Variants in SGCD observed in about 807,000 individuals in gnomAD.
SGCD encodes sarcoglycan delta.
Under a neutral mutation model 36.6 loss-of-function variants are expected in SGCD, and 18 were observed. The ratio of observed to expected loss-of-function variants is 0.49; its 90% CI spans 0.34 to 0.73. The LOEUF is 0.73. Among genes scored for constraint, SGCD ranks in the 30% least tolerant of loss-of-function variants. The pLI is 0.01. For missense variants in SGCD, 387 were observed against 346.7 expected (o/e 1.12, Z -0.92); for synonymous variants, 133 against 130.6 (o/e 1.02, Z -0.12).
At chr5:156,244,677 G>C (rs183192251) in intron 3 of SGCD, among the ~76,000 whole-genome samples, 102 of 152,290 alleles carry the variant, frequency 6.7e-4, no homozygotes, top group African/African-American at 2.2e-3. Context: ...AAGTTTAAAA[G>C]CCAGAATCAC....
intron 3 of SGCD, among the ~76,000 whole-genome samples, chr5:156,255,768 G>A (rs193166904): frequency 2.6e-5 from 4 of 152,122 alleles, no homozygotes; most frequent in East Asian, 3.9e-4. Flanking sequence ...CTCACCAGAG[G>A]TGTGTTTATT....
At chr5:155,757,452 G>A in the SGCD span, among the ~76,000 whole-genome samples, 7 of 152,090 alleles carry the variant, frequency 4.6e-5, no homozygotes, top group East Asian at 1.9e-4. Flanking sequence ...TCAGTAGGGC[G>A]GGTAATATTT....
chr5:156,338,336 C>A (rs1341003050), intron 2 of SGCD, among the ~76,000 whole-genome samples: 7 of 152,206 alleles, frequency 4.6e-5, no homozygotes, highest in African/African-American at 1.2e-4. Context: ...GTGACCACTT[C>A]AACGGTATTA....
intron 4 of SGCD, among the ~76,000 whole-genome samples, chr5:156,558,088 A>AATATATATATATATATATATCTATATAT (rs1759107608): frequency 1.0e-5 from 1 of 95,592 alleles, no homozygotes; most frequent in Non-Finnish European, 2.2e-5. Flanking sequence ...AGTAAATACA[A>AATATATATATATATATATATCTATATAT]ATATATATAT....
At chr5:155,946,264 T>C (rs1375606341) in intron 1 of SGCD, among the ~76,000 whole-genome samples, 5 of 152,168 alleles carry the variant, frequency 3.3e-5, no homozygotes, top group Non-Finnish European at 5.9e-5. Context: ...TTAATTATCA[T>C]AACCACCTTG....
intron 1 of SGCD, among the ~76,000 whole-genome samples, chr5:156,031,801 C>T (rs1221092824): frequency 2.0e-5 from 3 of 152,156 alleles, no homozygotes; most frequent in Admixed American, 2.0e-4. Flanking sequence ...CCAGGCCACA[C>T]AGTAACCAAG....
At chr5:156,246,511 A>G (rs1765443835) in intron 3 of SGCD, among the ~76,000 whole-genome samples, 1 of 152,102 alleles carries the variant, frequency 6.6e-6, no homozygotes, top group Non-Finnish European at 1.5e-5. Flanking sequence ...TCGATTTTTA[A>G]TGGAGTTGTT....
At chr5:156,095,219 C>G (rs1280442236) in intron 1 of SGCD, among the ~76,000 whole-genome samples, 1 of 152,134 alleles carries the variant, frequency 6.6e-6, no homozygotes, top group Non-Finnish European at 1.5e-5. Flanking sequence ...AGAGGTATGC[C>G]TACGCAAATC....
chr5:156,715,522 C>T (rs1418319370), intron 7 of SGCD, among the ~76,000 whole-genome samples: 1 of 152,190 alleles, frequency 6.6e-6, no homozygotes, highest in Non-Finnish European at 1.5e-5. Context: ...TCATCATCAT[C>T]AATCTTTCCT....
At chr5:156,624,330 C>T (rs1469498034) in intron 6 of SGCD, among the ~76,000 whole-genome samples, 2 of 152,140 alleles carry the variant, frequency 1.3e-5, no homozygotes, top group African/African-American at 4.8e-5. Flanking sequence ...GCCTGTAATC[C>T]CAGGACTTTG....
At chr5:156,287,457 A>G (rs1766637969) in intron 3 of SGCD, among the ~76,000 whole-genome samples, 1 of 152,098 alleles carries the variant, frequency 6.6e-6, no homozygotes, top group Non-Finnish European at 1.5e-5. Flanking sequence ...AAAAATGAGG[A>G]CTAAAATCCC....
chr5:156,310,203 C>G (rs1210261546), intron 3 of SGCD, among the ~76,000 whole-genome samples: 1 of 152,132 alleles, frequency 6.6e-6, no homozygotes, highest in Non-Finnish European at 1.5e-5. Flanking sequence ...GTCTTTAATG[C>G]TTGACTCCCA....
At chr5:156,124,391 G>A (rs1249342274) in intron 3 of SGCD, among the ~76,000 whole-genome samples, 1 of 152,132 alleles carries the variant, frequency 6.6e-6, no homozygotes, top group African/African-American at 2.4e-5. Context: ...GTGGTGCTGT[G>A]TAATACACTG....
chr5:155,747,647 TC>T, the SGCD span, among the ~76,000 whole-genome samples: 4 of 152,198 alleles, frequency 2.6e-5, no homozygotes, highest in Non-Finnish European at 5.9e-5. Flanking sequence ...AAATCCTGGC[TC>T]CACAGTCTTC....
At chr5:155,999,125 C>T (rs1265581875) in intron 1 of SGCD, among the ~76,000 whole-genome samples, 2 of 152,170 alleles carry the variant, frequency 1.3e-5, no homozygotes, top group African/African-American at 4.8e-5. Flanking sequence ...GAAGCTTAGG[C>T]TCTTTAGGAC....
intron 3 of SGCD, among the ~76,000 whole-genome samples, chr5:156,187,931 C>T (rs181394264): frequency 6.6e-6 from 1 of 152,198 alleles, no homozygotes; most frequent in Admixed American, 6.5e-5. Context: ...CCAGGAGGTA[C>T]AAGGTATGGT....
At chr5:156,711,137 C>A (rs1754972444) in intron 7 of SGCD, among the ~76,000 whole-genome samples, 1 of 152,074 alleles carries the variant, frequency 6.6e-6, no homozygotes, top group African/African-American at 2.4e-5. Flanking sequence ...AAGTTTGATG[C>A]CCCCTTCCCA....
At chr5:156,224,682 G>C (rs1413668043) in intron 3 of SGCD, among the ~76,000 whole-genome samples, 1 of 152,106 alleles carries the variant, frequency 6.6e-6, no homozygotes, top group African/African-American at 2.4e-5. Flanking sequence ...TCAGCTCTTT[G>C]TATGCTTTAT....
intron 2 of SGCD, among the ~76,000 whole-genome samples, chr5:156,122,718 C>T (rs1376953835): frequency 3.3e-5 from 5 of 151,430 alleles, no homozygotes; most frequent in African/African-American, 7.3e-5. Context: ...AGGTTTTGAG[C>T]AGGGGAGTGT....
Sources: gnomAD v4.1 joint callset for allele counts (sites outside exome capture counted in the v4.1 genomes callset) on GRCh38, gnomAD v4.1.1 for gene constraint, MANE v1.5 for transcripts, NCBI Gene and HGNC (gene_info 2026-07-23, HGNC 2026-07-21) for gene names.